Variants in RIC3 observed in about 807,000 individuals in gnomAD.
The protein encoded by RIC3 is protein RIC-3.
Under a neutral mutation model 27.3 loss-of-function variants are expected in RIC3, and 28 were observed. The ratio of observed to expected loss-of-function variants is 1.02; its 90% CI spans 0.76 to 1.41. RIC3 has a LOEUF of 1.41. Among genes scored for constraint, RIC3 ranks in the 40% most tolerant of loss-of-function variants. The pLI is 0.00. For missense variants in RIC3, 501 were observed against 444.7 expected, an observed-to-expected ratio of 1.13 and a Z score of -1.14; for synonymous variants, 184 against 160.4, an observed-to-expected ratio of 1.15 and a Z score of -1.11.
intron 1 of RIC3, among the ~76,000 whole-genome samples, chr11:8,164,452 G>A (rs1192302649): frequency 1.3e-5 from 2 of 152,030 alleles, no homozygotes; most frequent in Non-Finnish European, 2.9e-5. Flanking sequence ...TTTGTACCTA[G>A]AATATACAAA....
At chr11:8,127,372 C>A (rs539970961) in intron 4 of RIC3, among the ~76,000 whole-genome samples, 2 of 152,150 alleles carry the variant, frequency 1.3e-5, no homozygotes, top group Non-Finnish European at 2.9e-5. Flanking sequence ...ATTGAGGAAA[C>A]TGGGGTCCAC....
chr11:8,166,994 T>G (rs770838870), intron 1 of RIC3, among the ~76,000 whole-genome samples: 1 of 152,194 alleles, frequency 6.6e-6, no homozygotes, highest in Non-Finnish European at 1.5e-5. Flanking sequence ...AGATTCTCAA[T>G]GGTGTATGTA....
chr11:8,101,754 C>CCCAG, downstream of RIC3: 1 of 1,431,382 alleles, frequency 7.0e-7, no homozygotes, highest in Non-Finnish European at 9.2e-7. Flanking sequence ...GGCTCCCTGG[C>CCCAG]CCAGCCAGCC....
intron 4 of RIC3, among the ~76,000 whole-genome samples, chr11:8,132,480 C>G (rs942274341): frequency 1.3e-5 from 2 of 152,132 alleles, no homozygotes; most frequent in Non-Finnish European, 2.9e-5. Context: ...AGACCCTTTC[C>G]TTAGTCTCAG....
At chr11:8,165,322 G>A (rs1951578022) in intron 1 of RIC3, among the ~76,000 whole-genome samples, 1 of 134,998 alleles carries the variant, frequency 7.4e-6, no homozygotes, top group African/African-American at 2.8e-5. Context: ...AATGAAATGT[G>A]GTATATCCAC....
chr11:8,131,392 T>C (rs1297024519), intron 4 of RIC3, among the ~76,000 whole-genome samples: 1 of 152,106 alleles, frequency 6.6e-6, no homozygotes, highest in African/African-American at 2.4e-5. Context: ...TTTGCTGAGA[T>C]GGAAATTAAA....
At chr11:8,167,299 G>C (rs887517021) in intron 1 of RIC3, among the ~76,000 whole-genome samples, 4 of 152,118 alleles carry the variant, frequency 2.6e-5, no homozygotes, top group African/African-American at 9.7e-5. Flanking sequence ...ATCATATAGT[G>C]ATGCCTATCA....
Position 8,144,908 on chromosome 11 carries a change from T to C in RIC3, c.125-4715A>G, listed in dbSNP as rs1355305627. On this transcript the variant is annotated intron_variant, in intron 1 of 5. Coordinates refer to ENST00000309737, the MANE Select transcript of RIC3 (RefSeq NM_001206671.4). ...ACATGGATGAAATTGGAAATCATCA[T>C]TCTCAGTAAACTATCGCAAGAACAA... is the stretch of plus-strand genomic sequence containing the variant. Among the ~76,000 whole-genome samples the C allele has an allele frequency of 5.6e-3, 840 of 150,636 alleles. 16 individuals carry two copies. The highest frequency in any genetic ancestry group is 0.046 in the Admixed American group (685 of 14,934).
intron 1 of RIC3, among the ~76,000 whole-genome samples, chr11:8,163,069 C>A (rs7943439): frequency 0.32 from 44,024 of 137,908 alleles, 7,181 homozygotes; most frequent in East Asian, 0.49. Context: ...ACACACACAC[C>A]CCCCAAAACA....
chr11:8,132,023 T>G (rs60853076), intron 4 of RIC3, among the ~76,000 whole-genome samples: 7,234 of 151,968 alleles, frequency 0.048, 259 homozygotes, highest in African/African-American at 0.1. Context: ...GAGTTTACAT[T>G]CCAGGAATTC....
downstream of RIC3, chr11:8,104,291 C>T (rs1944432103): frequency 6.6e-6 from 1 of 152,158 alleles, no homozygotes; most frequent in African/African-American, 2.4e-5. Context: ...GTAACCGCTT[C>T]TGGGGCCACA....
At chr11:8,136,209 T>C (rs2133842830) in intron 4 of RIC3, among the ~76,000 whole-genome samples, 1 of 152,192 alleles carries the variant, frequency 6.6e-6, no homozygotes, top group East Asian at 1.9e-4. Context: ...CTCTCTCATA[T>C]CCAGCCAAAG....
chr11:8,143,715 C>T (rs1049441879), intron 1 of RIC3, among the ~76,000 whole-genome samples: 1 of 152,058 alleles, frequency 6.6e-6, no homozygotes, highest in Non-Finnish European at 1.5e-5. Context: ...GAGCCCGCAT[C>T]GCCAAGGCAA....
chr11:8,105,008 T>C (rs947710838), downstream of RIC3: 1 of 151,756 alleles, frequency 6.6e-6, no homozygotes, highest in South Asian at 2.1e-4. Flanking sequence ...GAGGTAATTC[T>C]AAATTTAACA....
intron 1 of RIC3, among the ~76,000 whole-genome samples, chr11:8,147,485 T>C (rs900635215): frequency 1.3e-5 from 2 of 152,156 alleles, no homozygotes; most frequent in African/African-American, 4.8e-5. Flanking sequence ...GGAGATTCTC[T>C]ATAGAATGTG....
the RIC3 span, among the ~76,000 whole-genome samples, chr11:8,100,074 T>C: frequency 3.3e-5 from 5 of 152,218 alleles, no homozygotes; most frequent in East Asian, 5.8e-4. Flanking sequence ...GAAGGAGGAA[T>C]AGGAGGGCCA....
At position 8,137,382 on chromosome 11, in the gene RIC3, C is replaced by T; in HGVS notation, c.517G>A (p.Glu173Lys). Reference sequence around the variant, plus strand: ...TCCCGTTACATGAAAACCTACCTCTCACCATTAGGTCCCACTCTGTTGATT... The same window carrying T: ...TCCCGTTACATGAAAACCTACCTCTTACCATTAGGTCCCACTCTGTTGATT... ...KLINRVGPNG[E>K]SRAQTVTSDQ... Residue 173 changes from glutamate to lysine, a missense_variant, in exon 4 of 6, where the codon GAG (glutamate) becomes AAG (lysine). Physicochemically the swap from Glu to Lys is moderately conservative, Grantham distance 56 (BLOSUM62 1). Coordinates refer to ENST00000309737, the MANE Select transcript of RIC3 (RefSeq NM_001206671.4). 6.2e-7 allele frequency: 1 copy of T among 1,613,248 alleles called. No homozygotes were observed. Among genetic ancestry groups the T allele is most frequent in the Non-Finnish European group, 8.5e-7 (1 of 1,179,332 alleles).
chr11:8,097,038 C>T, the RIC3 span, among the ~76,000 whole-genome samples: 1 of 152,150 alleles, frequency 6.6e-6, no homozygotes, highest in Non-Finnish European at 1.5e-5. Flanking sequence ...CCCATCTCCA[C>T]CTCTAGGAAC....
chr11:8,108,813 A>G lies in RIC3; in HGVS notation c.*1885T>C, dbSNP rs932269307. The G allele has an allele frequency of 6.6e-6, 1 of 152,224 alleles. No homozygotes were observed. Among genetic ancestry groups the G allele is most frequent in the Admixed American group, 6.5e-5 (1 of 15,284 alleles). 9.4% of individuals were successfully genotyped at this position (152,224 alleles called of 1,614,324 possible). A position where few individuals can be genotyped will look rare whatever the true frequency, so the allele number is the denominator to read the frequency against. On this transcript the variant is annotated 3_prime_UTR_variant, in exon 6 of 6. Transcript: ENST00000309737. ...TAAATGAATGAATGAGCTAGAAGAG[A>G]ACAGCAGTATTTATCTCTAATAAGG...
Sources: gnomAD v4.1 joint callset for allele counts (sites outside exome capture counted in the v4.1 genomes callset) on GRCh38, gnomAD v4.1.1 for gene constraint, MANE v1.5 for transcripts, NCBI Gene and HGNC (gene_info 2026-07-23, HGNC 2026-07-21) for gene names.